The following ZHX1 variants were observed in gnomAD, a reference collection of about 807,000 sequenced individuals.
ZHX1 encodes the protein zinc fingers and homeoboxes 1.
A neutral mutation model predicts 61.8 loss-of-function variants in ZHX1; 20 were observed. The observed-to-expected ratio is 0.32, with a 90% CI of 0.23 to 0.47. The LOEUF (loss-of-function observed/expected upper bound fraction) is 0.47. Ranked by LOEUF, ZHX1 falls within the 20% of genes least tolerant of loss-of-function variation. The probability of loss-of-function intolerance (pLI) is 1.00; values close to 1 mark genes in which losing one functional copy is unlikely to be tolerated. For synonymous variants in ZHX1, 318 were observed against 352.6 expected, an observed-to-expected ratio of 0.90 and a Z score of 1.10; for missense variants, 800 against 1,034.8, an observed-to-expected ratio of 0.77 and a Z score of 3.11.
At chr8:123,266,063 C>T (rs1391274409) in intron 2 of ZHX1, among the ~76,000 whole-genome samples, 2 of 152,156 alleles carry the variant, frequency 1.3e-5, no homozygotes, top group Non-Finnish European at 2.9e-5. Flanking sequence ...AGGACACTAA[C>T]ATCCTAGTTT....
chr8:123,269,055 T>G (rs1196347645), intron 1 of ZHX1, among the ~76,000 whole-genome samples: 1 of 152,196 alleles, frequency 6.6e-6, no homozygotes, highest in East Asian at 1.9e-4. Context: ...TGGAGCATCT[T>G]ATTATCTCTG....
At position 123,255,058 on chromosome 8, in the gene ZHX1, G is replaced by A. The variant is rs1586823058; in HGVS notation, c.889C>T (p.Pro297Ser). 6.2e-7 allele frequency: 1 copy of A among 1,614,138 alleles called. No homozygotes were observed. The highest frequency in any genetic ancestry group is 8.5e-7 in the Non-Finnish European group (1 of 1,180,020). ...TTGTTGTAGGTGTTAAGTAAAAGGG[G>A]ATTGTTATCCAATGCAGCATTGTAG... ...PTYNAALDNN[P>S]LLLNTYNKFP... Residue 297 changes from proline to serine, a missense_variant, in exon 3 of 4, where the codon CCC (proline) becomes TCC (serine). By Grantham distance (74) the Pro-to-Ser change is moderately conservative. Coordinates refer to ENST00000395571, the MANE Select transcript of ZHX1 (RefSeq NM_007222.5).
chr8:123,268,785 G>A lies in ZHX1; in HGVS notation c.-339-1399C>T, dbSNP rs138038916. Among the ~76,000 whole-genome samples, 3 of 152,168 alleles carry A rather than the reference G, an allele frequency of 2.0e-5. No homozygotes were observed. The East Asian group carries it at 5.8e-4, about 29-fold the overall frequency. Reference sequence around the variant, plus strand: ...GGGATTACAGGCATGATCCCTAACCGGCCTTTTGTTGTATTCTTTAAGCAC... The same window carrying A: ...GGGATTACAGGCATGATCCCTAACCAGCCTTTTGTTGTATTCTTTAAGCAC... On this transcript the variant is annotated intron_variant, in intron 1 of 3. Coordinates refer to ENST00000395571, the MANE Select transcript of ZHX1 (RefSeq NM_007222.5).
chr8:123,272,080 T>C (rs1274315420), intron 1 of ZHX1, among the ~76,000 whole-genome samples: 4 of 152,234 alleles, frequency 2.6e-5, no homozygotes, highest in Non-Finnish European at 4.4e-5. Flanking sequence ...ATGTTCCAAA[T>C]GTAAAGTTCT....
chr8:123,253,351 G>A lies in ZHX1; in HGVS notation c.2596C>T (p.Arg866Trp), dbSNP rs745749076. The change falls in exon 3 of 4, where the codon CGG (arginine) becomes TGG (tryptophan). Residue 866 changes from arginine to tryptophan, a missense_variant. By Grantham distance (101) the Arg-to-Trp change is moderately radical. Transcript: ENST00000395571. The part of the protein sequence containing the change: ...DTWEPPRHVK[R>W]KLSKSDD ...CAGTCATCTGATTTAGACAGCTTCC[G>A]TTTCACATGTCGTGGAGGTTCCCAA... is the stretch of plus-strand genomic sequence containing the variant. The A allele has an allele frequency of 2.5e-6, 4 of 1,610,746 alleles. No individual in the cohort carries two copies. The highest frequency in any genetic ancestry group is 1.3e-5 in the African/African-American group (1 of 74,740).
Position 123,267,305 on chromosome 8 carries a change from A to T in ZHX1, c.-258T>A. The T allele has an allele frequency of 6.5e-7, 1 of 1,530,302 alleles. No homozygotes were observed. The highest frequency in any genetic ancestry group is 2.5e-5 in the East Asian group (1 of 40,776). The allele number at this position is 1,530,302 out of a possible 1,614,324, so 94.8% of individuals were successfully genotyped here. ...AGCTTCCTTAGCATTCTGTTCTTTG[A>T]AATGGAAGGGTATCCCTTCTAGTTA... On this transcript the variant is annotated 5_prime_UTR_variant, in exon 2 of 4. Transcript: ENST00000395571.
intron 1 of ZHX1, among the ~76,000 whole-genome samples, chr8:123,273,516 T>C (rs1488302174): frequency 2.0e-5 from 3 of 152,110 alleles, no homozygotes; most frequent in African/African-American, 4.8e-5. Context: ...AATCGTAATA[T>C]GGTTCTTAAG....
intron 1 of ZHX1, among the ~76,000 whole-genome samples, chr8:123,271,498 TG>T (rs1826652657): frequency 6.6e-6 from 1 of 152,132 alleles, no homozygotes; most frequent in African/African-American, 2.4e-5. Context: ...AAATCCACAA[TG>T]CTGCAACACA....
intron 2 of ZHX1, among the ~76,000 whole-genome samples, chr8:123,261,801 T>C (rs1424155599): frequency 6.6e-6 from 1 of 152,222 alleles, no homozygotes; most frequent in Non-Finnish European, 1.5e-5. Context: ...TTTTTTAATA[T>C]TATAAATTCT....
chr8:123,267,526 A>G (rs1036043676), intron 1 of ZHX1, 140 bp from the exon 2 acceptor site: 1 of 382,734 alleles, frequency 2.6e-6, no homozygotes, highest in Non-Finnish European at 4.7e-6. Context: ...ACTTTAAAAG[A>G]ACCATTTAAA....
chr8:123,248,521 G>A lies in ZHX1; in HGVS notation c.*1803C>T, dbSNP rs1168465038. ...CAATCAACCAGAAGAGGGTTCTTTT[G>A]CTCTGTCAAATAAATATATTTAAAA... On this transcript the variant is annotated 3_prime_UTR_variant, in exon 4 of 4. Transcript: ENST00000395571. The A allele has an allele frequency of 6.6e-6, 1 of 151,876 alleles. No homozygotes were observed. Among genetic ancestry groups the A allele is most frequent in the Non-Finnish European group, 1.5e-5 (1 of 67,974 alleles). 9.4% of individuals were successfully genotyped at this position (151,876 alleles called of 1,614,324 possible).
intron 3 of ZHX1, among the ~76,000 whole-genome samples, chr8:123,251,934 G>A (rs1222006058): frequency 6.6e-6 from 1 of 152,144 alleles, no homozygotes; most frequent in Non-Finnish European, 1.5e-5. Flanking sequence ...CAAGCAGTAA[G>A]AATAGTGCCT....
intron 2 of ZHX1, among the ~76,000 whole-genome samples, chr8:123,260,629 C>T (rs1563812182): frequency 1.3e-5 from 2 of 151,444 alleles, no homozygotes; most frequent in African/African-American, 4.9e-5. Flanking sequence ...AAAAACCCCA[C>T]ATATATATAT....
chr8:123,259,733 T>C (rs924736260), intron 2 of ZHX1, among the ~76,000 whole-genome samples: 1 of 152,168 alleles, frequency 6.6e-6, no homozygotes, highest in African/African-American at 2.4e-5. Context: ...GGTATAATAA[T>C]AGTTGGAAGG....
chr8:123,253,604 T>C lies in ZHX1; in HGVS notation c.2343A>G (p.Gly781=), dbSNP rs1825978168. Residue 781 remains glycine, a synonymous_variant, in exon 3 of 4, where the codon GGA becomes GGG. Transcript: ENST00000395571. ...RGPSLIKFKT[G]TAILKDYYLK... ...GGTAATAATCCTTAAGTATTGCAGTTCCAGTTTTAAATTTTATGAGTGATG... is the reference window on the plus strand; with the variant it reads ...GGTAATAATCCTTAAGTATTGCAGTCCCAGTTTTAAATTTTATGAGTGATG... 1 of 1,614,204 alleles carries C rather than the reference T, an allele frequency of 6.2e-7. No individual in the cohort carries two copies. The highest frequency in any genetic ancestry group is 8.5e-7 in the Non-Finnish European group (1 of 1,180,024).
intron 2 of ZHX1, among the ~76,000 whole-genome samples, chr8:123,257,981 A>G (rs941745446): frequency 2.0e-5 from 3 of 152,112 alleles, no homozygotes; most frequent in African/African-American, 4.8e-5. Context: ...ACCACCATCC[A>G]TATCTGTGGT....
At chr8:123,259,925 C>T (rs1373091438) in intron 2 of ZHX1, among the ~76,000 whole-genome samples, 4 of 151,820 alleles carry the variant, frequency 2.6e-5, no homozygotes, top group Non-Finnish European at 5.9e-5. Context: ...TTTGGGAGGC[C>T]GAGGCCAGTG....
chr8:123,265,669 C>T (rs1826432860), intron 2 of ZHX1, among the ~76,000 whole-genome samples: 1 of 152,174 alleles, frequency 6.6e-6, no homozygotes, highest in South Asian at 2.1e-4. Flanking sequence ...TTTACATCCA[C>T]AGCAAATGTT....
Position 123,271,545 on chromosome 8 carries a change from CATTTTA to C in ZHX1, c.-340+2666_-340+2671del, listed in dbSNP as rs1165903885. Among the ~76,000 whole-genome samples, 5 of 152,230 alleles carry C rather than the reference CATTTTA, an allele frequency of 3.3e-5. No individual in the cohort carries two copies. The Middle Eastern group carries it at 0.01, about 311-fold the overall frequency. On this transcript the variant is annotated intron_variant, in intron 1 of 3. Coordinates refer to ENST00000395571, the MANE Select transcript of ZHX1 (RefSeq NM_007222.5). ...TTATTTCCTCAGCTACATTTGTGATCATTTTAATAATTTTAAAAGCATTTTCATTTA... is the reference window on the plus strand; with the variant it reads ...TTATTTCCTCAGCTACATTTGTGATCATAATTTTAAAAGCATTTTCATTTA...
Sources: allele counts gnomAD v4.1 joint callset (sites outside exome capture counted in the v4.1 genomes callset), GRCh38; gene constraint gnomAD v4.1.1; transcripts MANE v1.5; gene names NCBI Gene and HGNC (gene_info 2026-07-23, HGNC 2026-07-21).